The following NALF1 variants were observed in gnomAD, a reference collection of about 807,000 sequenced individuals.
NALF1 encodes NALCN channel auxiliary factor 1.
A neutral mutation model predicts 48.4 loss-of-function variants in NALF1; 3 were observed. That is an observed-to-expected ratio of 0.06 (90% CI 0.03 to 0.16). The LOEUF is 0.16. Ranked by LOEUF, NALF1 falls within the 10% of genes least tolerant of loss-of-function variation. The pLI is 1.00. For synonymous variants in NALF1, 262 were observed against 245.7 expected (o/e 1.07, Z -0.62); for missense variants, 526 against 571.5 (o/e 0.92, Z 0.81).
intron 1 of NALF1, among the ~76,000 whole-genome samples, chr13:107,818,647 C>T (rs950152063): frequency 9.8e-5 from 11 of 112,190 alleles, no homozygotes; most frequent in Non-Finnish European, 1.8e-4. Context: ...CCGAGGCGGG[C>T]GGATCACGAG....
chr13:107,462,571 GC>G, intron 1 of NALF1, among the ~76,000 whole-genome samples: 1 of 152,284 alleles, frequency 6.6e-6, no homozygotes, highest in South Asian at 2.1e-4. Flanking sequence ...CCCAAGCCCT[GC>G]CCATTCAAAA....
At chr13:107,209,159 A>G (rs575314306) in intron 2 of NALF1, among the ~76,000 whole-genome samples, 1 of 152,180 alleles carries the variant, frequency 6.6e-6, no homozygotes, top group Non-Finnish European at 1.5e-5. Flanking sequence ...ATGAAGGCCA[A>G]TGCTCCTGAC....
At chr13:107,466,032 G>A (rs575553379) in intron 1 of NALF1, 5 of 152,930 alleles carry the variant, frequency 3.3e-5, no homozygotes, top group Admixed American at 2.0e-4. Flanking sequence ...CGTAGCTGGG[G>A]AGGTCTCACA....
intron 1 of NALF1, among the ~76,000 whole-genome samples, chr13:107,254,783 T>C (rs1259821744): frequency 1.3e-5 from 2 of 152,180 alleles, no homozygotes; most frequent in Non-Finnish European, 2.9e-5. Context: ...GGAAATCATA[T>C]TTTTGTTGTA....
At chr13:107,176,093 T>C (rs1878921278) in intron 2 of NALF1, among the ~76,000 whole-genome samples, 1 of 152,130 alleles carries the variant, frequency 6.6e-6, no homozygotes, top group Non-Finnish European at 1.5e-5. Context: ...TTCCTCAGCA[T>C]TGAAGAAATT....
intron 1 of NALF1, among the ~76,000 whole-genome samples, chr13:107,342,893 G>A (rs1050889510): frequency 1.3e-5 from 2 of 152,132 alleles, no homozygotes; most frequent in African/African-American, 4.8e-5. Context: ...TACGTTGACA[G>A]AAGTGAAGGG....
At chr13:107,337,043 C>CAAAAAAAAAAAA (rs60969406) in intron 1 of NALF1, among the ~76,000 whole-genome samples, 1 of 114,830 alleles carries the variant, frequency 8.7e-6, no homozygotes, top group Non-Finnish European at 1.7e-5. Flanking sequence ...TTTCATTCCC[C>CAAAAAAAAAAAA]AAAAAAAAAA....
At chr13:107,847,275 CAA>C (rs1880196912) in intron 1 of NALF1, among the ~76,000 whole-genome samples, 1 of 152,058 alleles carries the variant, frequency 6.6e-6, no homozygotes, top group Non-Finnish European at 1.5e-5. Context: ...CAAAATCAAA[CAA>C]AAATAAACAT....
intron 1 of NALF1, among the ~76,000 whole-genome samples, chr13:107,432,209 A>C (rs1234337104): frequency 6.6e-6 from 1 of 152,078 alleles, no homozygotes; most frequent in Admixed American, 6.6e-5. Context: ...AGTCTCTTAA[A>C]CAACCAGGTC....
At chr13:107,813,264 AATT>A (rs1259027804) in intron 1 of NALF1, among the ~76,000 whole-genome samples, 3 of 152,204 alleles carry the variant, frequency 2.0e-5, no homozygotes, top group Non-Finnish European at 1.5e-5. Flanking sequence ...CCAAAGCTAT[AATT>A]AAGTTGATAG....
chr13:107,236,721 CTATCTATCT>C (rs1880355636), intron 1 of NALF1, among the ~76,000 whole-genome samples: 2 of 148,396 alleles, frequency 1.3e-5, no homozygotes, highest in Non-Finnish European at 3.0e-5. Context: ...ATCTATCTAT[CTATCTATCT>C]ATCTATCATC....
At chr13:107,213,094 T>C (rs9520326) in intron 1 of NALF1, among the ~76,000 whole-genome samples, 49,591 of 151,900 alleles carry the variant, frequency 0.33, 9,385 homozygotes, top group Middle Eastern at 0.43. Context: ...GCGTCCAGTA[T>C]TGGAGTCTCT....
chr13:107,315,185 T>C (rs187986137), intron 1 of NALF1, among the ~76,000 whole-genome samples: 12 of 152,216 alleles, frequency 7.9e-5, no homozygotes, highest in Non-Finnish European at 1.5e-4. Context: ...ATTAAAGAAT[T>C]CTACTACCTT....
At chr13:107,806,007 G>T (rs2138601616) in intron 1 of NALF1, among the ~76,000 whole-genome samples, 1 of 152,302 alleles carries the variant, frequency 6.6e-6, no homozygotes, top group African/African-American at 2.4e-5. Context: ...ATAAGATTTT[G>T]TAGAATTATA....
intron 1 of NALF1, among the ~76,000 whole-genome samples, chr13:107,589,300 G>A (rs1234764998): frequency 3.3e-5 from 5 of 151,792 alleles, no homozygotes; most frequent in Admixed American, 1.3e-4. Flanking sequence ...GATGTTCTTC[G>A]GGGTCACGAG....
At chr13:107,196,814 A>G (rs1056303020) in intron 2 of NALF1, among the ~76,000 whole-genome samples, 3 of 152,176 alleles carry the variant, frequency 2.0e-5, no homozygotes, top group African/African-American at 4.8e-5. Context: ...TTTTTGTTAA[A>G]TGAGTAAATT....
intron 1 of NALF1, among the ~76,000 whole-genome samples, chr13:107,353,269 T>A (rs984602856): frequency 3.9e-5 from 6 of 152,242 alleles, no homozygotes; most frequent in African/African-American, 1.4e-4. Context: ...TTTTCTTCTA[T>A]GAATTTGCCT....
At chr13:107,743,559 GA>G (rs1156612779) in intron 1 of NALF1, among the ~76,000 whole-genome samples, 2 of 152,210 alleles carry the variant, frequency 1.3e-5, no homozygotes, top group East Asian at 3.9e-4. Context: ...AAGAAAAACA[GA>G]AACATGCATT....
chr13:107,693,566 A>C (rs1050832419), intron 1 of NALF1, among the ~76,000 whole-genome samples: 6 of 151,932 alleles, frequency 3.9e-5, no homozygotes, highest in African/African-American at 1.2e-4. Flanking sequence ...TGCCACGCTT[A>C]TTAGGTGAGG....
Sources: allele counts gnomAD v4.1 joint callset (sites outside exome capture counted in the v4.1 genomes callset), GRCh38; gene constraint gnomAD v4.1.1; transcripts MANE v1.5; gene names NCBI Gene and HGNC (gene_info 2026-07-23, HGNC 2026-07-21).